ZNG1E: variants seen among roughly 807,000 people sequenced by gnomAD.
The protein encoded by ZNG1E is Zn regulated GTPase metalloprotein activator 1E, also known as zinc-regulated GTPase metalloprotein activator 1E.
At chr9:65,678,344 A>C in the ZNG1E span, among the ~76,000 whole-genome samples, 1 of 145,062 alleles carries the variant, frequency 6.9e-6, no homozygotes, top group Non-Finnish European at 1.5e-5. Flanking sequence ...ATAAGCCTTC[A>C]TCTCTTAAAA....
At chr9:65,721,486 G>C in the ZNG1E span, among the ~76,000 whole-genome samples, 1 of 149,712 alleles carries the variant, frequency 6.7e-6, no homozygotes, top group African/African-American at 2.5e-5. Context: ...AGATATAAAA[G>C]AATAAACAGA....
At chr9:65,659,033 G>A in the ZNG1E span, among the ~76,000 whole-genome samples, 3 of 152,128 alleles carry the variant, frequency 2.0e-5, no homozygotes, top group East Asian at 5.8e-4. Context: ...AAGTGGGGCA[G>A]GGGACACAAT....
At chr9:65,679,844 A>G in the ZNG1E span, among the ~76,000 whole-genome samples, 1 of 152,168 alleles carries the variant, frequency 6.6e-6, no homozygotes, top group Non-Finnish European at 1.5e-5. Flanking sequence ...GTGAGGCACC[A>G]TGCCTGGCCA....
chr9:65,687,634 T>G, the ZNG1E span, among the ~76,000 whole-genome samples: 7 of 150,382 alleles, frequency 4.7e-5, no homozygotes, highest in African/African-American at 1.7e-4. Flanking sequence ...CTTGCTGTTT[T>G]CTTTAATGCT....
At chr9:65,691,015 T>G in the ZNG1E span, 1 of 1,603,568 alleles carries the variant, frequency 6.2e-7, no homozygotes, top group Non-Finnish European at 8.5e-7. Flanking sequence ...GGGAGTGATA[T>G]TTACCTTGAT....
the ZNG1E span, among the ~76,000 whole-genome samples, chr9:65,728,177 T>C: frequency 1.3e-5 from 2 of 152,296 alleles, no homozygotes; most frequent in African/African-American, 2.4e-5. Context: ...AAGATGGAAA[T>C]GTAAAAATTC....
chr9:65,671,525 G>A, the ZNG1E span, among the ~76,000 whole-genome samples: 1 of 152,062 alleles, frequency 6.6e-6, no homozygotes, highest in Non-Finnish European at 1.5e-5. Flanking sequence ...TTGCCACGTT[G>A]GCCAAGCTGA....
At chr9:65,667,129 G>GT in the ZNG1E span, among the ~76,000 whole-genome samples, 5 of 152,256 alleles carry the variant, frequency 3.3e-5, no homozygotes, top group Non-Finnish European at 7.3e-5. Context: ...CCCACCAGTG[G>GT]TATTACCCAG....
At chr9:65,659,556 G>A in the ZNG1E span, among the ~76,000 whole-genome samples, 1 of 151,388 alleles carries the variant, frequency 6.6e-6, no homozygotes, top group African/African-American at 2.4e-5. Flanking sequence ...CAACTTCACT[G>A]TGTCAGAGGA....
At chr9:65,684,550 G>GCACACACACACACA in the ZNG1E span, among the ~76,000 whole-genome samples, 87 of 132,772 alleles carry the variant, frequency 6.6e-4, 3 homozygotes, top group Middle Eastern at 3.5e-3. Context: ...ACACACGCAC[G>GCACACACACACACA]CACACACACA....
the ZNG1E span, among the ~76,000 whole-genome samples, chr9:65,702,387 T>C: frequency 2.6e-5 from 4 of 151,372 alleles, no homozygotes; most frequent in Admixed American, 6.6e-5. Flanking sequence ...AAAGCCATAT[T>C]CTATAGTATC....
the ZNG1E span, among the ~76,000 whole-genome samples, chr9:65,715,169 C>T: frequency 1.3e-5 from 2 of 148,278 alleles, no homozygotes; most frequent in African/African-American, 5.1e-5. Context: ...TTCCAGGTGC[C>T]GTCTGTCACC....
the ZNG1E span, among the ~76,000 whole-genome samples, chr9:65,657,486 C>G: frequency 1.3e-5 from 2 of 152,280 alleles, no homozygotes; most frequent in Non-Finnish European, 2.9e-5. Flanking sequence ...ACAAATTTCA[C>G]ATGTTCTCAC....
chr9:65,663,192 T>G, the ZNG1E span, among the ~76,000 whole-genome samples: 1 of 152,280 alleles, frequency 6.6e-6, no homozygotes, highest in Non-Finnish European at 1.5e-5. Flanking sequence ...CTCAGGCAAG[T>G]CAACTGTTAA....
chr9:65,691,585 A>G, the ZNG1E span, among the ~76,000 whole-genome samples: 1 of 152,196 alleles, frequency 6.6e-6, no homozygotes, highest in East Asian at 1.9e-4. Context: ...GTTTTCTTTA[A>G]AAAAAACAAT....
chr9:65,666,946 G>A, the ZNG1E span, among the ~76,000 whole-genome samples: 8 of 152,266 alleles, frequency 5.3e-5, no homozygotes, highest in South Asian at 2.1e-4. Flanking sequence ...TCAGCCTCCC[G>A]AGTAGCTGGG....
the ZNG1E span, chr9:65,720,164 A>G: frequency 6.7e-7 from 1 of 1,489,340 alleles, no homozygotes; most frequent in East Asian, 2.3e-5. Flanking sequence ...TAGATAGGCT[A>G]TGTTTAGGAC....
At chr9:65,659,857 A>T in the ZNG1E span, among the ~76,000 whole-genome samples, 2 of 151,494 alleles carry the variant, frequency 1.3e-5, no homozygotes, top group Non-Finnish European at 2.9e-5. Flanking sequence ...ATATTAAGCC[A>T]CTAAGACTTT....
the ZNG1E span, chr9:65,689,055 AC>A: frequency 1.0e-5 from 1 of 99,822 alleles, no homozygotes; most frequent in Non-Finnish European, 2.1e-5. Context: ...CTATTTCCCT[AC>A]AACCTCTTAT....
Sources: gnomAD v4.1 joint callset for allele counts (sites outside exome capture counted in the v4.1 genomes callset) on GRCh38, gnomAD v4.1.1 for gene constraint, MANE v1.5 for transcripts, NCBI Gene and HGNC (gene_info 2026-07-23, HGNC 2026-07-21) for gene names.